The following SF1 variants were observed in gnomAD, a reference collection of about 807,000 sequenced individuals.
SF1 encodes splicing factor 1, also known as branch point-binding protein.
In SF1, 7 loss-of-function variants were observed where a neutral mutation model predicts 62.5. That is an observed-to-expected ratio of 0.11 (90% CI 0.06 to 0.21). The LOEUF (loss-of-function observed/expected upper bound fraction) is 0.21, where lower values mean the gene tolerates loss of function less well. Among genes scored for constraint, SF1 ranks in the 10% least tolerant of loss-of-function variants. SF1 has a pLI of 1.00. For missense variants in SF1, 578 were observed against 884.0 expected, an observed-to-expected ratio of 0.65 and a Z score of 4.39; for synonymous variants, 394 against 323.6, an observed-to-expected ratio of 1.22 and a Z score of -2.33.
Position 64,770,023 on chromosome 11 carries a change from G to A in SF1, c.420C>T (p.Val140=), listed in dbSNP as rs1938052569. 1 of 1,614,052 alleles carries A rather than the reference G, an allele frequency of 6.2e-7. No individual in the cohort carries two copies. Among genetic ancestry groups the A allele is most frequent in the African/African-American group, 1.3e-5 (1 of 75,026 alleles). ...CTGGGTACTCATCTTGTGGAATCATGACTTTATCACTCACACGTGTTGCTG... is the reference window on the plus strand; with the variant it reads ...CTGGGTACTCATCTTGTGGAATCATAACTTTATCACTCACACGTGTTGCTG... ...KPPATRVSDK[V]MIPQDEYPEI... The change falls in exon 5 of 13, where the codon GTC becomes GTT. Residue 140 remains valine (V), a synonymous_variant. Coordinates refer to ENST00000377390, the MANE Select transcript of SF1 (RefSeq NM_004630.4).
At chr11:64,772,503 A>T (rs754597552) in intron 3 of SF1, 5 of 985,020 alleles carry the variant, frequency 5.1e-6, no homozygotes, top group Non-Finnish European at 6.0e-6. Flanking sequence ...AGTGACTTCT[A>T]AAGCCATTAC....
chr11:64,778,099 C>A, intron 1 of SF1: 1 of 914,560 alleles, frequency 1.1e-6, no homozygotes, highest in Non-Finnish European at 1.3e-6. Flanking sequence ...GCGGCTGCGG[C>A]GGCGGGTACG....
Position 64,778,103 on chromosome 11 carries a change from G to A in SF1, c.31+259C>T, listed in dbSNP as rs1939675389. The A allele has an allele frequency of 2.2e-6, 2 of 910,218 alleles. No homozygotes were observed. The highest frequency in any genetic ancestry group is 2.7e-6 in the Non-Finnish European group (2 of 750,998). The allele number at this position is 910,218 out of a possible 1,614,324, so 56.4% of individuals were successfully genotyped here. A position where few individuals can be genotyped will look rare whatever the true frequency, so the allele number is the denominator to read the frequency against. On this transcript the variant is annotated intron_variant, in intron 1 of 12. Coordinates refer to ENST00000377390, the MANE Select transcript of SF1 (RefSeq NM_004630.4). The stretch of plus-strand genomic sequence containing the variant: ...CGGCGGAGGGGGCGGCTGCGGCGGC[G>A]GGTACGAGGCGCCGGGGGACGGTGG...
intron 3 of SF1, 189 bp downstream of exon 3, chr11:64,773,241 G>C: frequency 1.4e-6 from 2 of 1,398,620 alleles, no homozygotes; most frequent in Non-Finnish European, 1.8e-6. Context: ...ACATTTTTAA[G>C]TTTTATTCCA....
intron 2 of SF1, among the ~76,000 whole-genome samples, chr11:64,774,476 G>A (rs1024281120): frequency 6.6e-6 from 1 of 152,188 alleles, no homozygotes; most frequent in African/African-American, 2.4e-5. Flanking sequence ...TACCTTCGCA[G>A]CATCTGAGAA....
intron 12 of SF1, 24 bp downstream of exon 12, chr11:64,766,874 CCA>C: frequency 7.3e-7 from 1 of 1,368,470 alleles, no homozygotes; most frequent in East Asian, 2.6e-5. Flanking sequence ...CCACCCACCC[CCA>C]CAAGCCCAAA....
In SF1 at chr11:64,778,539, G is replaced by A; in HGVS notation, c.-147C>T. The stretch of plus-strand genomic sequence containing the variant: ...GCGGCGGGCGGCGGCGGCGCGAGAC[G>A]CACAAAGAGGGAGGAGAGAGGGCAC... On this transcript the variant is annotated 5_prime_UTR_variant, in exon 1 of 13. Transcript: ENST00000377390. The A allele has an allele frequency of 4.2e-6, 5 of 1,200,474 alleles. No homozygotes were observed. Among genetic ancestry groups the A allele is most frequent in the South Asian group, 4.1e-5 (1 of 24,116 alleles). The allele number at this position is 1,200,474 out of a possible 1,614,324, so 74.4% of individuals were successfully genotyped here.
intron 3 of SF1, 84 bp downstream of exon 3, chr11:64,773,346 C>T: frequency 1.9e-6 from 3 of 1,553,704 alleles, no homozygotes; most frequent in Non-Finnish European, 2.6e-6. Context: ...TTTTATTGAA[C>T]TGACACAATA....
intron 2 of SF1, among the ~76,000 whole-genome samples, chr11:64,775,212 GAGA>G (rs1938995765): frequency 6.6e-6 from 1 of 152,124 alleles, no homozygotes; most frequent in South Asian, 2.1e-4. Context: ...CTCTTCTGTG[GAGA>G]ACTACACCTC....
chr11:64,775,074 T>C (rs1938966250), intron 2 of SF1, among the ~76,000 whole-genome samples: 1 of 152,084 alleles, frequency 6.6e-6, no homozygotes, highest in African/African-American at 2.4e-5. Context: ...GCCTAAAAAG[T>C]TCTGACTTTG....
intron 1 of SF1, chr11:64,778,065 G>T: frequency 1.0e-6 from 1 of 991,720 alleles, no homozygotes; most frequent in Non-Finnish European, 1.2e-6. Flanking sequence ...GGCGACACGC[G>T]CTGGTAGAGC....
chr11:64,770,513 C>CA (rs1457158911), intron 3 of SF1, 105 bp from the exon 4 acceptor site: 1 of 1,252,942 alleles, frequency 8.0e-7, no homozygotes, highest in East Asian at 2.4e-5. Flanking sequence ...GACCCTAATA[C>CA]AACACTCTTC....
rs939205716 is a variant in SF1, at chr11:64,777,550, G to A, written c.31+812C>T. On this transcript the variant is annotated intron_variant, in intron 1 of 12. Transcript: ENST00000377390. ...CTGTAGAAGCAGAGGAGCTATCCTT[G>A]GTACGGTTCCCATTCTGGTTCCTCA... is the stretch of plus-strand genomic sequence containing the variant. 4.1e-6 allele frequency: 4 copies of A among 985,304 alleles called. No homozygotes were observed. In the African/African-American group the frequency reaches 5.2e-5, roughly 13 times the overall value. The allele number at this position is 985,304 out of a possible 1,614,324, so 61.0% of individuals were successfully genotyped here.
chr11:64,774,405 A>G (rs1279797659), intron 2 of SF1, among the ~76,000 whole-genome samples: 12 of 152,238 alleles, frequency 7.9e-5, no homozygotes, highest in Admixed American at 5.2e-4. Context: ...ATTTTCCAAG[A>G]TAATGGGAAC....
chr11:64,777,727 G>C (rs1369237850), intron 1 of SF1: 28 of 985,568 alleles, frequency 2.8e-5, no homozygotes, highest in Non-Finnish European at 3.4e-5. Flanking sequence ...AGTCTATACA[G>C]TTGCGCCGCA....
Position 64,776,618 on chromosome 11 carries a change from T to C in SF1, c.40A>G (p.Ser14Gly), listed in dbSNP as rs755008600. The C allele has an allele frequency of 1.9e-6, 3 of 1,601,560 alleles. No homozygotes were observed. The highest frequency in any genetic ancestry group is 1.1e-5 in the South Asian group (1 of 88,228). ...GANATPLDFP[S>G]KKRKRSRWNQ... Reference sequence around the variant, plus strand: ...CAGCGGCTCCTCTTCCGCTTCTTACTTGGGAAGTCTAAAAGGCAGAGACAA... The same window carrying C: ...CAGCGGCTCCTCTTCCGCTTCTTACCTGGGAAGTCTAAAAGGCAGAGACAA... Residue 14 changes from serine to glycine, a missense_variant, in exon 2 of 13, where the codon AGT (serine) becomes GGT (glycine). Ser to Gly is a moderately conservative substitution (Grantham distance 56). Around this residue, in one of 7 missense-constraint regions of SF1, gnomAD observed 37 missense variants for 34.6 expected, o/e 1.07. Transcript: ENST00000377390.
intron 1 of SF1, 141 bp downstream of exon 1, chr11:64,778,220 GC>G: frequency 2.6e-6 from 3 of 1,159,066 alleles, no homozygotes; most frequent in Non-Finnish European, 2.1e-6. Context: ...CGCGGTCAGG[GC>G]CCCCATCGAG....
At chr11:64,773,332 A>G in intron 3 of SF1, 98 bp downstream of exon 3, 5 of 1,541,560 alleles carry the variant, frequency 3.2e-6, no homozygotes, top group East Asian at 2.4e-5. Flanking sequence ...TCGTCATACT[A>G]TGATTTTATT....
In SF1 at chr11:64,766,950, G is replaced by A; in HGVS notation, c.1532C>T (p.Pro511Leu). ...GGAAGCCATACTGCTGCTGGGCGGA[G>A]GGGGTGGCGGAGGCTGCTGCTGCTG... ...QQQQQQPPPP[P>L]PPSSSMASST... The change falls in exon 12 of 13, where the codon CCT becomes CTT. Residue 511 changes from proline (P) to leucine (L), a missense_variant. This residue lies in a region of SF1 where 410 missense variants were observed against 452.4 expected (regional missense o/e 0.91). Transcript: ENST00000377390. 2.0e-6 allele frequency: 3 copies of A among 1,496,282 alleles called. No individual in the cohort carries two copies. Among genetic ancestry groups the A allele is most frequent in the Non-Finnish European group, 2.7e-6 (3 of 1,122,742 alleles). 92.7% of individuals were successfully genotyped at this position (1,496,282 alleles called of 1,614,324 possible).
Sources: gnomAD v4.1 joint callset for allele counts (sites outside exome capture counted in the v4.1 genomes callset) on GRCh38, gnomAD v4.1.1 for gene constraint, gnomAD v4.1.1 regional missense constraint, MANE v1.5 for transcripts, NCBI Gene and HGNC (gene_info 2026-07-23, HGNC 2026-07-21) for gene names.